ZNF26: variants seen among roughly 807,000 people sequenced by gnomAD.
ZNF26 encodes the protein zinc finger protein 26, also known as epididymis luminal protein 179.
A neutral mutation model predicts 54.9 loss-of-function variants in ZNF26; 32 were observed. The ratio of observed to expected loss-of-function variants is 0.58; its 90% CI spans 0.44 to 0.78. ZNF26 has a LOEUF of 0.78. ZNF26 is among the 30% of genes least tolerant of loss of function. The probability of loss-of-function intolerance (pLI) is 0.00; values close to 1 mark genes in which losing one functional copy is unlikely to be tolerated. For missense variants in ZNF26, 524 were observed against 634.0 expected, an observed-to-expected ratio of 0.83 and a Z score of 1.86; for synonymous variants, 221 against 209.2, an observed-to-expected ratio of 1.06 and a Z score of -0.49.
At chr12:133,006,537 A>C (rs2081970021) in intron 1 of ZNF26, 1 of 153,680 alleles carries the variant, frequency 6.5e-6, no homozygotes, top group Admixed American at 6.5e-5. Context: ...TCATCCTGAA[A>C]TCTTCAGGAC....
At chr12:133,000,480 A>G (rs1160612502) in intron 1 of ZNF26, among the ~76,000 whole-genome samples, 6 of 130,428 alleles carry the variant, frequency 4.6e-5, no homozygotes, top group Non-Finnish European at 9.2e-5. Flanking sequence ...GCTGGAGTGC[A>G]GTGGCACGAT....
Position 133,023,646 on chromosome 12 carries a change from C to G in ZNF26, c.*12165C>G, listed in dbSNP as rs1471945679. The stretch of plus-strand genomic sequence containing the variant: ...TTTTATTTTCTGAAGTGGGCTATGA[C>G]AGTAGCTTCCATCTCATCTCCTCTT... On this transcript the variant is annotated 3_prime_UTR_variant, in exon 4 of 4. Coordinates refer to ENST00000328654, the MANE Select transcript of ZNF26 (RefSeq NM_019591.4). 6.6e-6 allele frequency: 1 copy of G among 151,780 alleles called. No individual in the cohort carries two copies. The highest frequency in any genetic ancestry group is 1.5e-5 in the Non-Finnish European group (1 of 67,870). The allele number at this position is 151,780 out of a possible 1,614,324, so 9.4% of individuals were successfully genotyped here.
At chr12:132,995,941 C>G (rs1241924396) in intron 1 of ZNF26, among the ~76,000 whole-genome samples, 1 of 152,170 alleles carries the variant, frequency 6.6e-6, no homozygotes, top group East Asian at 1.9e-4. Context: ...GGTGAGCCAC[C>G]ATACCTGACC....
rs1315172888 is a variant in ZNF26 at position 133,017,656 on chromosome 12, G to T, written c.*6175G>T. ...AAAAAACAAAGAGCACCAGTAAAGG[G>T]TAATTATGTAATAATAAAAGATAGT... On this transcript the variant is annotated 3_prime_UTR_variant, in exon 4 of 4. Transcript: ENST00000328654. 1 of 152,184 alleles carries T rather than the reference G, an allele frequency of 6.6e-6. No individual in the cohort carries two copies. The highest frequency in any genetic ancestry group is 1.5e-5 in the Non-Finnish European group (1 of 68,036). The allele number at this position is 152,184 out of a possible 1,614,324, so 9.4% of individuals were successfully genotyped here.
rs1953665385 is a variant in ZNF26, at chr12:133,023,357, C to T, written c.*11876C>T. 6.6e-6 allele frequency: 1 copy of T among 152,076 alleles called. No homozygotes were observed. The allele number at this position is 152,076 out of a possible 1,614,324, so 9.4% of individuals were successfully genotyped here. ...GGATGTCCAATAAAATTTTAGCAAA[C>T]ATTAAGGACTTGATTATCATTATGT... On this transcript the variant is annotated 3_prime_UTR_variant, in exon 4 of 4. Transcript: ENST00000328654.
At chr12:132,996,563 T>C (rs1451542544) in intron 1 of ZNF26, among the ~76,000 whole-genome samples, 2 of 152,236 alleles carry the variant, frequency 1.3e-5, no homozygotes, top group Non-Finnish European at 2.9e-5. Flanking sequence ...TGAAAAACTT[T>C]CTTGGTATTT....
intron 3 of ZNF26, among the ~76,000 whole-genome samples, chr12:133,009,081 C>T (rs1293367875): frequency 1.3e-5 from 2 of 152,150 alleles, no homozygotes; most frequent in South Asian, 2.1e-4. Flanking sequence ...GATGCAGGCA[C>T]CTCCCACCAG....
rs1324636181 is a variant in ZNF26, at chr12:133,010,995, C to T, written c.1116C>T (p.Cys372=). The change falls in exon 4 of 4, where the codon TGC becomes TGT. Residue 372 remains cysteine (C), a synonymous_variant. Transcript: ENST00000328654. ...GVHTGNNPYQ[C]GECGKAFGRK... ...ACACAGGAAATAATCCTTATCAATG[C>T]GGTGAATGTGGGAAAGCCTTTGGTA... 33 of 1,613,850 alleles carry T rather than the reference C, an allele frequency of 2.0e-5. No homozygotes were observed. The highest frequency in any genetic ancestry group is 1.3e-4 in the East Asian group (6 of 44,866).
chr12:132,996,443 GT>G (rs1953086480), intron 1 of ZNF26, among the ~76,000 whole-genome samples: 1 of 152,138 alleles, frequency 6.6e-6, no homozygotes, highest in African/African-American at 2.4e-5. Context: ...GGTCTCTGGT[GT>G]TTTAAAAAAG....
rs115475041 is a variant in ZNF26, at chr12:133,010,746, C to T, written c.867C>T (p.Ser289=). 7.3e-5 allele frequency: 117 copies of T among 1,612,762 alleles called. No homozygotes were observed. In the East Asian group the frequency reaches 1.3e-3, roughly 18 times the overall value. Residue 289 remains serine (S), a synonymous_variant, in exon 4 of 4, where the codon AGC becomes AGT. Transcript: ENST00000328654. The stretch of plus-strand genomic sequence containing the variant: ...CAGGAGTGAAACCGTATGAATGCAG[C>T]GAATGTGGGAAAGCCTTTAGTTTGA... ...SHTGVKPYEC[S]ECGKAFSLKS...
At chr12:133,007,909 C>G (rs1593664602) in intron 3 of ZNF26, among the ~76,000 whole-genome samples, 1 of 151,970 alleles carries the variant, frequency 6.6e-6, no homozygotes, top group Admixed American at 6.5e-5. Flanking sequence ...CTTTTATTTC[C>G]TCCTTTGCCT....
intron 1 of ZNF26, among the ~76,000 whole-genome samples, chr12:132,999,774 A>G (rs915816676): frequency 3.3e-5 from 5 of 149,980 alleles, no homozygotes; most frequent in South Asian, 2.1e-4. Context: ...GCTCACTACA[A>G]CCTCCACCTC....
chr12:132,992,007 G>A (rs1260683583), intron 1 of ZNF26, among the ~76,000 whole-genome samples: 2 of 151,986 alleles, frequency 1.3e-5, no homozygotes, highest in Non-Finnish European at 2.9e-5. Flanking sequence ...AATTAGCTGG[G>A]CATGGTGGTG....
intron 1 of ZNF26, among the ~76,000 whole-genome samples, chr12:132,988,287 A>G (rs1297406018): frequency 6.6e-6 from 1 of 150,932 alleles, no homozygotes; most frequent in Non-Finnish European, 1.5e-5. Flanking sequence ...CCCAGGTTGG[A>G]GTGCAGTGGA....
chr12:133,006,462 C>T (rs1953330059), intron 1 of ZNF26: 1 of 199,332 alleles, frequency 5.0e-6, no homozygotes, highest in Non-Finnish European at 9.0e-6. Context: ...ATTTTGTTTG[C>T]ATGTATAAAT....
At position 133,022,773 on chromosome 12, in the gene ZNF26, C is replaced by G. The variant is rs989648801; in HGVS notation, c.*11292C>G. 2 of 152,128 alleles carry G rather than the reference C, an allele frequency of 1.3e-5. No homozygotes were observed. The highest frequency in any genetic ancestry group is 4.8e-5 in the African/African-American group (2 of 41,426). 9.4% of individuals were successfully genotyped at this position (152,128 alleles called of 1,614,324 possible). A position where few individuals can be genotyped will look rare whatever the true frequency, so the allele number is the denominator to read the frequency against. On this transcript the variant is annotated 3_prime_UTR_variant, in exon 4 of 4. Coordinates refer to ENST00000328654, the MANE Select transcript of ZNF26 (RefSeq NM_019591.4). ...AACAAGCTTGAACAAATTGAATCATCAATATGTTCAAGTCCTAGACATTTA... is the reference window on the plus strand; with the variant it reads ...AACAAGCTTGAACAAATTGAATCATGAATATGTTCAAGTCCTAGACATTTA...
intron 1 of ZNF26, chr12:133,005,995 G>T (rs1393365136): frequency 2.7e-6 from 2 of 738,236 alleles, no homozygotes; most frequent in Non-Finnish European, 3.3e-6. Flanking sequence ...TGTGATGCTT[G>T]CTTCTGGTAC....
Position 133,010,409 on chromosome 12 carries a change from G to A in ZNF26, c.530G>A (p.Ser177Asn), listed in dbSNP as rs1442180961. The A allele has an allele frequency of 5.6e-6, 9 of 1,614,212 alleles. No homozygotes were observed. The highest frequency in any genetic ancestry group is 6.8e-6 in the Non-Finnish European group (8 of 1,180,028). Residue 177 changes from serine to asparagine, a missense_variant, in exon 4 of 4, where the codon AGT becomes AAT. Coordinates refer to ENST00000328654, the MANE Select transcript of ZNF26 (RefSeq NM_019591.4). Reference sequence around the variant, plus strand: ...AGCATAGAAAAAAACTGTGTGTGTAGTGAATGTGGGAAAGCTTTTCGTTGT... The same window carrying A: ...AGCATAGAAAAAAACTGTGTGTGTAATGAATGTGGGAAAGCTTTTCGTTGT... ...AHSIEKNCVCSECGKAFRCKS... is the reference protein window; with the variant it reads ...AHSIEKNCVCNECGKAFRCKS...
chr12:133,010,620 C>T lies in ZNF26; in HGVS notation c.741C>T (p.Val247=), dbSNP rs201580435. 551 of 1,613,926 alleles carry T rather than the reference C, an allele frequency of 3.4e-4. No individual in the cohort carries two copies. The highest frequency in any genetic ancestry group is 4.5e-4 in the Non-Finnish European group (530 of 1,179,980). Residue 247 remains valine (V), a synonymous_variant, in exon 4 of 4, where the codon GTC becomes GTT. Coordinates refer to ENST00000328654, the MANE Select transcript of ZNF26 (RefSeq NM_019591.4). The part of the protein sequence containing the change: ...KVFSFRSQLI[V]HQEIHTGGKP... ...TCTCTTTCAGGTCACAGCTCATTGT[C>T]CATCAGGAAATTCACACAGGAGGGA...
Sources: allele counts gnomAD v4.1 joint callset (sites outside exome capture counted in the v4.1 genomes callset), GRCh38; gene constraint gnomAD v4.1.1; transcripts MANE v1.5; gene names NCBI Gene and HGNC (gene_info 2026-07-23, HGNC 2026-07-21).